Variants in SMYD2 observed in about 807,000 individuals in gnomAD.
SMYD2 encodes SET and MYND domain containing 2, also known as N-lysine methyltransferase SMYD2.
SMYD2 carries 53 observed loss-of-function variants against 59.1 expected under a neutral mutation model. The observed-to-expected ratio is 0.90, with a 90% CI of 0.72 to 1.13. The LOEUF (loss-of-function observed/expected upper bound fraction) is 1.13. Among genes scored for constraint, SMYD2 ranks in the 50% most tolerant of loss-of-function variants. The pLI, the probability that SMYD2 is intolerant of heterozygous loss-of-function variation, is 0.00. For synonymous variants in SMYD2, 208 were observed against 198.8 expected (o/e 1.05, Z -0.39); for missense variants, 494 against 544.7 (o/e 0.91, Z 0.93).
chr1:214,326,051 A>G (rs560831881), intron 6 of SMYD2, among the ~76,000 whole-genome samples: 41 of 152,098 alleles, frequency 2.7e-4, no homozygotes, highest in African/African-American at 9.4e-4. Flanking sequence ...CAGCCTGACC[A>G]ACATGGTGAA....
At chr1:214,308,591 G>T (rs556455864) in intron 2 of SMYD2, among the ~76,000 whole-genome samples, 1 of 152,012 alleles carries the variant, frequency 6.6e-6, no homozygotes, top group South Asian at 2.1e-4. Context: ...GTAATTGAGT[G>T]ATTCTCCACC....
chr1:214,333,094 C>G (rs556599666), intron 10 of SMYD2: 1 of 152,320 alleles, frequency 6.6e-6, no homozygotes, highest in South Asian at 2.1e-4. Flanking sequence ...ACTTACCCCA[C>G]TGTGCCCTGA....
At chr1:214,334,911 C>T (rs575936270) in intron 11 of SMYD2, among the ~76,000 whole-genome samples, 1 of 152,314 alleles carries the variant, frequency 6.6e-6, no homozygotes, top group African/African-American at 2.4e-5. Flanking sequence ...CGGCTCCTCC[C>T]ACTCAAGCTG....
At chr1:214,291,653 CT>C (rs1374744594) in intron 1 of SMYD2, among the ~76,000 whole-genome samples, 4 of 152,228 alleles carry the variant, frequency 2.6e-5, no homozygotes, top group African/African-American at 9.6e-5. Context: ...GCTAGTATGT[CT>C]TTTCTTCCAG....
At chr1:214,293,767 C>T (rs1180719653) in intron 1 of SMYD2, among the ~76,000 whole-genome samples, 2 of 152,168 alleles carry the variant, frequency 1.3e-5, no homozygotes, top group Non-Finnish European at 2.9e-5. Context: ...ACCTCCGCCT[C>T]CCAGGTTCAA....
intron 2 of SMYD2, among the ~76,000 whole-genome samples, chr1:214,306,895 G>A (rs1347202230): frequency 1.3e-5 from 2 of 152,344 alleles, no homozygotes; most frequent in Non-Finnish European, 2.9e-5. Flanking sequence ...TTATGGCTGG[G>A]CGCGGTGGCT....
intron 1 of SMYD2, among the ~76,000 whole-genome samples, chr1:214,283,238 C>T (rs988450204): frequency 6.6e-6 from 1 of 152,198 alleles, no homozygotes; most frequent in Non-Finnish European, 1.5e-5. Flanking sequence ...GTTCACAAAG[C>T]ATTCAGCCTG....
chr1:214,330,699 T>G (rs1272369385), intron 8 of SMYD2, among the ~76,000 whole-genome samples: 1 of 152,264 alleles, frequency 6.6e-6, no homozygotes, highest in African/African-American at 2.4e-5. Flanking sequence ...TAAACACATA[T>G]ATCTGCCCAT....
At chr1:214,326,807 C>G (rs1301169117) in intron 6 of SMYD2, among the ~76,000 whole-genome samples, 1 of 152,148 alleles carries the variant, frequency 6.6e-6, no homozygotes, top group Non-Finnish European at 1.5e-5. Flanking sequence ...CAATGACACA[C>G]ATGGCTGTGA....
chr1:214,329,567 G>A (rs140111639), intron 7 of SMYD2, among the ~76,000 whole-genome samples: 253 of 133,310 alleles, frequency 1.9e-3, no homozygotes, highest in African/African-American at 6.2e-3. Flanking sequence ...TGCCCTGCAG[G>A]ATCAGGAGCT....
At chr1:214,286,553 T>G (rs1386007601) in intron 1 of SMYD2, among the ~76,000 whole-genome samples, 1 of 151,900 alleles carries the variant, frequency 6.6e-6, no homozygotes, top group Non-Finnish European at 1.5e-5. Context: ...GATGGATCAC[T>G]CGAGGTCAGG....
intron 3 of SMYD2, among the ~76,000 whole-genome samples, chr1:214,315,150 G>A (rs1300129442): frequency 1.3e-5 from 2 of 152,208 alleles, no homozygotes; most frequent in African/African-American, 4.8e-5. Context: ...ATGGAAATAC[G>A]TGACATGAAA....
chr1:214,318,019 A>G lies in SMYD2; in HGVS notation c.349-60A>G. The G allele has an allele frequency of 4.1e-6, 6 of 1,453,220 alleles. No homozygotes were observed. Among genetic ancestry groups the G allele is most frequent in the Non-Finnish European group, 5.8e-6 (6 of 1,042,680 alleles). The allele number at this position is 1,453,220 out of a possible 1,614,324, so 90.0% of individuals were successfully genotyped here. The stretch of plus-strand genomic sequence containing the variant: ...ATGTTGATGTAAAAGTGAAAGTGCC[A>G]CTTTATTACACTGGTTGTTAAAAAA... On this transcript the variant is annotated intron_variant, in intron 3 of 11. Coordinates refer to ENST00000366957, the MANE Select transcript of SMYD2 (RefSeq NM_020197.3). This position sits in a 1 kb window ranked among gnomAD's most constrained non-coding sequence, Gnocchi z 5.4.
At chr1:214,319,456 A>G (rs1385133387) in intron 5 of SMYD2, among the ~76,000 whole-genome samples, 1 of 152,164 alleles carries the variant, frequency 6.6e-6, no homozygotes, top group African/African-American at 2.4e-5. Context: ...GAGGAGCCCA[A>G]GTGGGTCTAG....
chr1:214,282,142 GT>G (rs908075537), intron 1 of SMYD2, among the ~76,000 whole-genome samples: 3 of 152,158 alleles, frequency 2.0e-5, no homozygotes, highest in Non-Finnish European at 2.9e-5. Context: ...GTATATATGT[GT>G]CTGTGTTTGT....
rs1458424652 is a variant in SMYD2, at chr1:214,303,536, A to C, written c.174-1651A>C. Among the ~76,000 whole-genome samples the C allele has an allele frequency of 2.6e-5, 4 of 152,292 alleles. No individual in the cohort carries two copies. In the East Asian group the frequency reaches 7.7e-4, roughly 29 times the overall value. On this transcript the variant is annotated intron_variant, in intron 1 of 11. Transcript: ENST00000366957. ...CCTTTTTGAACTATTGAGGTCTGCAAACTTGGAATATTTATTTATGCCTCA... is the reference window on the plus strand; with the variant it reads ...CCTTTTTGAACTATTGAGGTCTGCACACTTGGAATATTTATTTATGCCTCA...
At chr1:214,324,018 C>T (rs895773546) in intron 5 of SMYD2, among the ~76,000 whole-genome samples, 8 of 152,352 alleles carry the variant, frequency 5.3e-5, no homozygotes, top group Middle Eastern at 3.4e-3. Context: ...GCCTCCGCCT[C>T]CTGGGTTCAA....
At position 214,305,081 on chromosome 1, in the gene SMYD2, C is replaced by T. The variant is rs1656895172; in HGVS notation, c.174-106C>T. 2.9e-6 allele frequency: 3 copies of T among 1,031,918 alleles called. No homozygotes were observed. In the East Asian group the frequency reaches 7.1e-5, roughly 24 times the overall value. 63.9% of individuals were successfully genotyped at this position (1,031,918 alleles called of 1,614,324 possible). A position where few individuals can be genotyped will look rare whatever the true frequency, so the allele number is the denominator to read the frequency against. ...CAGTGGGAGAGTAAGGTAAGGTGAA[C>T]CTTGGCTCTGCTTTCCAACCAAGTG... On this transcript the variant is annotated intron_variant, in intron 1 of 11. Coordinates refer to ENST00000366957, the MANE Select transcript of SMYD2 (RefSeq NM_020197.3).
chr1:214,300,189 A>G (rs145556570), intron 1 of SMYD2, among the ~76,000 whole-genome samples: 197 of 152,324 alleles, frequency 1.3e-3, no homozygotes, highest in African/African-American at 4.6e-3. Context: ...CACTGAGCAT[A>G]CATGTAGTAA....
Sources: allele counts gnomAD v4.1 joint callset (sites outside exome capture counted in the v4.1 genomes callset), GRCh38; gene constraint gnomAD v4.1.1; non-coding constraint Gnocchi (gnomAD v3.1); transcripts MANE v1.5; gene names NCBI Gene and HGNC (gene_info 2026-07-23, HGNC 2026-07-21).